The following GON4L variants were observed in gnomAD, a reference collection of about 807,000 sequenced individuals.
The protein encoded by GON4L is gon-4 like.
GON4L carries 87 observed loss-of-function variants against 211.8 expected under a neutral mutation model. The ratio of observed to expected loss-of-function variants is 0.41; its 90% CI spans 0.35 to 0.49. The LOEUF (loss-of-function observed/expected upper bound fraction) is 0.49. Among genes scored for constraint, GON4L ranks in the 20% least tolerant of loss-of-function variants. GON4L has a pLI of 0.15. For synonymous variants in GON4L, 875 were observed against 962.6 expected, an observed-to-expected ratio of 0.91 and a Z score of 1.68; for missense variants, 2,155 against 2,659.5, an observed-to-expected ratio of 0.81 and a Z score of 4.17.
intron 6 of GON4L, 84 bp from the exon 7 acceptor site, chr1:155,816,346 C>T: frequency 1.4e-6 from 1 of 706,184 alleles, no homozygotes; most frequent in South Asian, 1.6e-5. Context: ...CCATCACTAA[C>T]AGCCATATAC....
At chr1:155,770,970 G>A in intron 19 of GON4L, 97 bp downstream of exon 19, 3 of 1,532,460 alleles carry the variant, frequency 2.0e-6, no homozygotes, top group South Asian at 2.3e-5. Context: ...ATTAGCTTTA[G>A]ATAAAAGAAG....
intron 10 of GON4L, among the ~76,000 whole-genome samples, chr1:155,810,008 A>ATATATTTT (rs1491289229): frequency 3.7e-5 from 4 of 107,920 alleles, no homozygotes; most frequent in African/African-American, 1.1e-4. Context: ...ATATATATAT[A>ATATATTTT]TTTTTGAAAT....
intron 10 of GON4L, among the ~76,000 whole-genome samples, chr1:155,808,095 G>A (rs1323499075): frequency 6.6e-6 from 1 of 151,524 alleles, no homozygotes; most frequent in Non-Finnish European, 1.5e-5. Flanking sequence ...GGAGTGCAGG[G>A]GCATGATCTC....
upstream of GON4L, among the ~76,000 whole-genome samples, chr1:155,858,361 C>T (rs1672437381): frequency 6.6e-6 from 1 of 152,202 alleles, no homozygotes; most frequent in Non-Finnish European, 1.5e-5. Context: ...TTGAACTAAT[C>T]CTATCTGTAA....
intron 24 of GON4L, among the ~76,000 whole-genome samples, chr1:155,758,398 T>G (rs923391344): frequency 6.6e-6 from 1 of 152,228 alleles, no homozygotes; most frequent in African/African-American, 2.4e-5. Flanking sequence ...TAATCCCATG[T>G]TGGGAGGCCA....
At chr1:155,810,316 G>C (rs1024340205) in intron 10 of GON4L, among the ~76,000 whole-genome samples, 21 of 151,662 alleles carry the variant, frequency 1.4e-4, no homozygotes, top group Admixed American at 6.6e-5. Context: ...TTTAATTTTA[G>C]GATTTCTTTT....
intron 2 of GON4L, among the ~76,000 whole-genome samples, chr1:155,833,758 G>A (rs1407403628): frequency 9.4e-5 from 12 of 128,004 alleles, no homozygotes; most frequent in Non-Finnish European, 2.0e-4. Flanking sequence ...GAGGAGGGGA[G>A]GAAGGGAGGA....
At position 155,765,782 on chromosome 1, in the gene GON4L, T is replaced by C. The variant is rs1453238051; in HGVS notation, c.3691A>G (p.Ile1231Val). ...PEDKAHVNVD[I>V]ACAVADGENA... is the part of the protein sequence containing the mutation. ...TCCCCATCAGCCACAGCACAAGCAA[T>C]GTCCACATTCACGTGGGCCTTATCT... The change falls in exon 21 of 32, where the codon ATT (isoleucine) becomes GTT (valine). Residue 1231 changes from isoleucine (I) to valine (V), a missense_variant. Around this residue, in one of 6 missense-constraint regions of GON4L, gnomAD observed 615 missense variants for 625.7 expected, o/e 0.98. Transcript: ENST00000368331. 6.2e-7 allele frequency: 1 copy of C among 1,614,164 alleles called. No homozygotes were observed. The highest frequency in any genetic ancestry group is 8.5e-7 in the Non-Finnish European group (1 of 1,180,030).
At chr1:155,774,183 T>C (rs1362964815) in intron 17 of GON4L, among the ~76,000 whole-genome samples, 3 of 152,226 alleles carry the variant, frequency 2.0e-5, no homozygotes. Context: ...CTTGCAAATT[T>C]CTTTAAAATA....
intron 10 of GON4L, among the ~76,000 whole-genome samples, 180 bp from the exon 11 acceptor site, chr1:155,805,321 G>C (rs1410477458): frequency 6.6e-6 from 1 of 152,104 alleles, no homozygotes; most frequent in Non-Finnish European, 1.5e-5. Flanking sequence ...AATGACATCA[G>C]TTTGAAACCA....
At chr1:155,842,523 C>CAAA (rs71591917) in intron 2 of GON4L, among the ~76,000 whole-genome samples, 5 of 25,972 alleles carry the variant, frequency 1.9e-4, no homozygotes, top group Admixed American at 4.3e-4. Flanking sequence ...GACTCCATCT[C>CAAA]AAAAAAAAAA....
intron 12 of GON4L, among the ~76,000 whole-genome samples, chr1:155,788,691 G>C (rs1665200797): frequency 1.3e-5 from 2 of 152,074 alleles, no homozygotes; most frequent in Admixed American, 6.6e-5. Context: ...CAACACAAAT[G>C]AATCTCAAAA....
intron 10 of GON4L, among the ~76,000 whole-genome samples, chr1:155,810,203 C>G (rs920307147): frequency 4.0e-5 from 6 of 150,712 alleles, no homozygotes; most frequent in Admixed American, 6.6e-5. Context: ...ACCATGTTGA[C>G]CAGGCTGGTC....
At chr1:155,818,643 G>A (rs1340285516) in intron 6 of GON4L, among the ~76,000 whole-genome samples, 2 of 152,204 alleles carry the variant, frequency 1.3e-5, no homozygotes, top group Non-Finnish European at 2.9e-5. Context: ...CTGGAACACT[G>A]TGGAGATAAT....
intron 2 of GON4L, among the ~76,000 whole-genome samples, chr1:155,836,380 G>A (rs1670315228): frequency 1.3e-5 from 2 of 151,348 alleles, no homozygotes; most frequent in South Asian, 2.1e-4. Flanking sequence ...CTCCCGAGTA[G>A]CTGGGATGAC....
intron 6 of GON4L, 107 bp from the exon 7 acceptor site, chr1:155,816,369 T>C (rs955274450): frequency 1.5e-6 from 1 of 663,338 alleles, no homozygotes; most frequent in African/African-American, 1.8e-5. Context: ...AACAAGTAAC[T>C]GCAGTGATCT....
At chr1:155,807,091 C>CAAAAAA (rs5777956) in intron 10 of GON4L, among the ~76,000 whole-genome samples, 1 of 119,478 alleles carries the variant, frequency 8.4e-6, no homozygotes. Context: ...AGAGACATCT[C>CAAAAAA]AAAAAAAAAA....
At chr1:155,790,298 C>T (rs1443549096) in intron 12 of GON4L, among the ~76,000 whole-genome samples, 6 of 151,716 alleles carry the variant, frequency 4.0e-5, no homozygotes, top group African/African-American at 1.2e-4. Flanking sequence ...TGGGGTTTCA[C>T]CATATTGGCC....
At chr1:155,762,588 A>G (rs528816287) in intron 22 of GON4L, among the ~76,000 whole-genome samples, 107 of 152,372 alleles carry the variant, frequency 7.0e-4, no homozygotes, top group South Asian at 5.6e-3. Flanking sequence ...ACAACAAGAT[A>G]ATCAGCTACT....
Sources: gnomAD v4.1 joint callset for allele counts (sites outside exome capture counted in the v4.1 genomes callset) on GRCh38, gnomAD v4.1.1 for gene constraint, gnomAD v4.1.1 regional missense constraint, MANE v1.5 for transcripts, NCBI Gene and HGNC (gene_info 2026-07-23, HGNC 2026-07-21) for gene names.